THSD7B: variants seen among roughly 807,000 people sequenced by gnomAD.
THSD7B encodes the protein thrombospondin type 1 domain containing 7B.
In THSD7B, 138 loss-of-function variants were observed where a neutral mutation model predicts 213.6. That is an observed-to-expected ratio of 0.65 (90% CI 0.56 to 0.74). THSD7B has a LOEUF of 0.74. Among genes scored for constraint, THSD7B ranks in the 30% least tolerant of loss-of-function variants. The probability of loss-of-function intolerance (pLI) is 0.00; values close to 1 mark genes in which losing one functional copy is unlikely to be tolerated. For missense variants in THSD7B, 1,931 were observed against 1,991.5 expected, an observed-to-expected ratio of 0.97 and a Z score of 0.58; for synonymous variants, 742 against 687.0, an observed-to-expected ratio of 1.08 and a Z score of -1.25.
At chr2:137,536,765 G>T (rs891913025) in intron 15 of THSD7B, among the ~76,000 whole-genome samples, 1 of 151,580 alleles carries the variant, frequency 6.6e-6, no homozygotes, top group Admixed American at 6.6e-5. Flanking sequence ...CATATCTAAT[G>T]TGATTGATGC....
At chr2:137,671,321 A>AAAAG (rs1683571650) in intron 27 of THSD7B, among the ~76,000 whole-genome samples, 1 of 152,072 alleles carries the variant, frequency 6.6e-6, no homozygotes, top group South Asian at 2.1e-4. Context: ...GTCATTGAAT[A>AAAAG]AAAGACTATT....
At chr2:137,562,875 C>T (rs2105223423) in intron 15 of THSD7B, among the ~76,000 whole-genome samples, 1 of 152,142 alleles carries the variant, frequency 6.6e-6, no homozygotes, top group South Asian at 2.1e-4. Context: ...ATACAATATA[C>T]CATACAATTG....
At chr2:137,328,529 T>A (rs1057187204) in intron 12 of THSD7B, among the ~76,000 whole-genome samples, 10 of 152,168 alleles carry the variant, frequency 6.6e-5, no homozygotes, top group Non-Finnish European at 1.2e-4. Context: ...GCAGAATGTA[T>A]AATAGTAGCA....
intron 12 of THSD7B, among the ~76,000 whole-genome samples, chr2:137,364,099 A>G (rs1301767896): frequency 1.3e-5 from 2 of 152,348 alleles, no homozygotes; most frequent in East Asian, 3.9e-4. Flanking sequence ...ACGCAAATCA[A>G]TAAACATAAT....
At chr2:137,573,583 AT>A (rs1355254581) in intron 17 of THSD7B, among the ~76,000 whole-genome samples, 1 of 152,112 alleles carries the variant, frequency 6.6e-6, no homozygotes, top group East Asian at 1.9e-4. Context: ...GAAGTGGGAT[AT>A]TTGTACTACT....
chr2:137,179,462 G>A (rs2105003893), intron 7 of THSD7B, among the ~76,000 whole-genome samples: 1 of 151,988 alleles, frequency 6.6e-6, no homozygotes, highest in South Asian at 2.1e-4. Flanking sequence ...TCTCCATTAT[G>A]ACAGAGTAAT....
intron 12 of THSD7B, among the ~76,000 whole-genome samples, chr2:137,366,541 A>G (rs1685412384): frequency 1.3e-5 from 2 of 152,004 alleles, no homozygotes; most frequent in African/African-American, 2.4e-5. Context: ...GATATCACAA[A>G]TGGTTTCTCC....
chr2:137,642,799 C>T (rs1041713928), intron 21 of THSD7B, among the ~76,000 whole-genome samples, 166 bp downstream of exon 21: 1 of 152,166 alleles, frequency 6.6e-6, no homozygotes, highest in Non-Finnish European at 1.5e-5. Context: ...ATGGCTTAAC[C>T]TCATGCAGAG....
At chr2:137,455,756 G>A (rs1687750397) in intron 15 of THSD7B, among the ~76,000 whole-genome samples, 1 of 152,150 alleles carries the variant, frequency 6.6e-6, no homozygotes, top group Admixed American at 6.5e-5. Context: ...TTTGTATATT[G>A]AAATACCTAA....
intron 2 of THSD7B, among the ~76,000 whole-genome samples, chr2:137,017,780 G>T (rs1686369675): frequency 6.6e-6 from 1 of 152,034 alleles, no homozygotes. Flanking sequence ...CTAATTTAAA[G>T]AGTTGCACAT....
chr2:137,365,241 C>T (rs2104941758), intron 12 of THSD7B, among the ~76,000 whole-genome samples: 1 of 152,298 alleles, frequency 6.6e-6, no homozygotes, highest in East Asian at 1.9e-4. Context: ...AAAATTAATT[C>T]AAGATGGATT....
In THSD7B at chr2:137,094,944, A is replaced by T. The variant is rs775058952; in HGVS notation, c.1022A>T (p.Gln341Leu). The T allele has an allele frequency of 1.9e-6, 3 of 1,613,786 alleles. No individual in the cohort carries two copies. The South Asian group carries it at 3.3e-5, about 18-fold the overall frequency. Residue 341 changes from glutamine (Q) to leucine (L), a missense_variant, in exon 4 of 28, where the codon CAG becomes CTG. Transcript: ENST00000409968. ...CIMPKDCETS[Q>L]WSSWSPCSKT... ...ATGCCCAAAGACTGTGAAACCTCCC[A>T]GTGGTCCTCCTGGAGCCCCTGCTCC...
intron 2 of THSD7B, among the ~76,000 whole-genome samples, chr2:136,948,069 A>G (rs976631599): frequency 2.0e-5 from 3 of 152,126 alleles, no homozygotes; most frequent in African/African-American, 7.2e-5. Flanking sequence ...ACTAAGCCTT[A>G]TCACTTAACA....
intron 2 of THSD7B, among the ~76,000 whole-genome samples, chr2:136,927,313 C>G (rs996798491): frequency 6.6e-6 from 1 of 152,050 alleles, no homozygotes; most frequent in South Asian, 2.1e-4. Context: ...GCTGGACCTG[C>G]CTCAGGTGGG....
chr2:137,268,095 G>T (rs1272450649), intron 10 of THSD7B, among the ~76,000 whole-genome samples: 1 of 152,172 alleles, frequency 6.6e-6, no homozygotes, highest in Non-Finnish European at 1.5e-5. Context: ...TCAAAATGAG[G>T]TGAAATTTTT....
At chr2:137,507,318 A>G (rs190252510) in intron 15 of THSD7B, among the ~76,000 whole-genome samples, 3 of 152,358 alleles carry the variant, frequency 2.0e-5, no homozygotes, top group Admixed American at 2.0e-4. Flanking sequence ...GTCATGTATT[A>G]TAGTTCAGGG....
At chr2:137,370,712 A>C (rs1573989400) in intron 12 of THSD7B, among the ~76,000 whole-genome samples, 2 of 151,928 alleles carry the variant, frequency 1.3e-5, no homozygotes, top group Non-Finnish European at 2.9e-5. Flanking sequence ...CAAGCGATCC[A>C]CCTGCCTAGG....
intron 2 of THSD7B, among the ~76,000 whole-genome samples, chr2:137,008,574 C>T (rs971011437): frequency 6.6e-6 from 1 of 152,072 alleles, no homozygotes; most frequent in Admixed American, 6.6e-5. Flanking sequence ...TTTCACTATA[C>T]TGTTTTGTTT....
chr2:136,928,971 G>T (rs1684587751), intron 2 of THSD7B, among the ~76,000 whole-genome samples: 1 of 152,012 alleles, frequency 6.6e-6, no homozygotes, highest in Non-Finnish European at 1.5e-5. Context: ...AGTTACTAGA[G>T]AAACAGAAAT....
Sources: allele counts gnomAD v4.1 joint callset (sites outside exome capture counted in the v4.1 genomes callset), GRCh38; gene constraint gnomAD v4.1.1; transcripts MANE v1.5; gene names NCBI Gene and HGNC (gene_info 2026-07-23, HGNC 2026-07-21).